The following NEK3 variants were observed in gnomAD, a reference collection of about 807,000 sequenced individuals.
NEK3 encodes the protein NIMA related kinase 3, also known as serine/threonine-protein kinase Nek3.
A neutral mutation model predicts 66.0 loss-of-function variants in NEK3; 54 were observed. That is an observed-to-expected ratio of 0.82 (90% CI 0.66 to 1.03). The LOEUF (loss-of-function observed/expected upper bound fraction) is 1.03, where lower values mean the gene tolerates loss of function less well. Among genes scored for constraint, NEK3 ranks in the 50% least tolerant of loss-of-function variants. The pLI is 0.00. For synonymous variants in NEK3, 200 were observed against 206.2 expected (o/e 0.97, Z 0.26); for missense variants, 593 against 603.0 (o/e 0.98, Z 0.17).
intron 1 of NEK3, chr13:52,157,086 A>G (rs771078950): frequency 3.3e-5 from 5 of 152,260 alleles, no homozygotes; most frequent in Non-Finnish European, 5.9e-5. Flanking sequence ...TTTAAGAGCT[A>G]AAGAAATTAC....
At chr13:52,144,915 C>T in intron 8 of NEK3, 24 bp from the exon 9 acceptor site, 1 of 1,498,478 alleles carries the variant, frequency 6.7e-7, no homozygotes, top group Non-Finnish European at 9.2e-7. Context: ...TTGAACTTTA[C>T]AAGCAGATAC....
rs1021865325 is a variant in NEK3, at chr13:52,140,937, C to T, written c.927+83G>A. On this transcript the variant is annotated intron_variant, in intron 11 of 15. Coordinates refer to ENST00000610828, the MANE Select transcript of NEK3 (RefSeq NM_002498.3). ...TCACTTGATTCTCCTGCCTCAACCT[C>T]CCGAGTAGCTGGGATTACAGGCTTG... 6.2e-6 allele frequency: 7 copies of T among 1,136,422 alleles called. No individual in the cohort carries two copies. In the Admixed American group the frequency reaches 1.1e-4, roughly 19 times the overall value. The allele number at this position is 1,136,422 out of a possible 1,614,324, so 70.4% of individuals were successfully genotyped here.
In NEK3 at chr13:52,144,755, G is replaced by A. The variant is rs555356464; in HGVS notation, c.740C>T (p.Ser247Leu). 14 of 1,613,890 alleles carry A rather than the reference G, an allele frequency of 8.7e-6. No individual in the cohort carries two copies. The East Asian group carries it at 1.6e-4, about 18-fold the overall frequency. The part of the protein sequence containing the change: ...MFKRNPSHRP[S>L]ATTLLSRGIV... ...GCCTCGAGAGAGAAGCGTTGTAGCC[G>A]AGGGGCGATGTGAGGGATTCCTTTT... Residue 247 changes from serine to leucine, a missense_variant, in exon 9 of 16, where the codon TCG becomes TTG. Ser to Leu is a moderately radical substitution (Grantham distance 145, BLOSUM62 -2). Coordinates refer to ENST00000610828, the MANE Select transcript of NEK3 (RefSeq NM_002498.3).
At chr13:52,148,704 T>C (rs1295675962) in intron 7 of NEK3, among the ~76,000 whole-genome samples, 1 of 152,086 alleles carries the variant, frequency 6.6e-6, no homozygotes, top group Non-Finnish European at 1.5e-5. Context: ...TTCAGTAGCA[T>C]TTGGGAATTC....
Position 52,146,619 on chromosome 13 carries a change from T to C in NEK3, c.604-1728A>G, listed in dbSNP as rs140176921. Among the ~76,000 whole-genome samples the C allele has an allele frequency of 6.0e-4, 92 of 152,358 alleles. 1 individual carries two copies. Among genetic ancestry groups the C allele is most frequent in the African/African-American group, 1.9e-3 (81 of 41,586 alleles). ...TAAAAATAATTTTATTTGTAGACTA[T>C]GGTGGTTCTCAACTTGGGCTGTACA... On this transcript the variant is annotated intron_variant, in intron 8 of 15. Coordinates refer to ENST00000610828, the MANE Select transcript of NEK3 (RefSeq NM_002498.3).
At chr13:52,141,169 G>C in intron 10 of NEK3, 100 bp from the exon 11 acceptor site, 23 of 1,036,014 alleles carry the variant, frequency 2.2e-5, no homozygotes, top group South Asian at 3.5e-5. Flanking sequence ...AGTGAGTGAG[G>C]TTATTAAAGT....
chr13:52,151,231 G>T lies in NEK3; in HGVS notation c.463C>A (p.Pro155Thr). The change falls in exon 7 of 16, where the codon CCG (proline) becomes ACG (threonine). Residue 155 changes from proline (P) to threonine (T), a missense_variant and splice_region_variant. Coordinates refer to ENST00000610828, the MANE Select transcript of NEK3 (RefSeq NM_002498.3). The part of the protein sequence containing the change: ...DFGSARLLSN[P>T]MAFACTYVGT... Reference sequence around the variant, plus strand: ...ACATAGGTACAAGCAAATGCCATCGGACTAAAACCATAAAAAGGCAACGAA... The same window carrying T: ...ACATAGGTACAAGCAAATGCCATCGTACTAAAACCATAAAAAGGCAACGAA... The T allele has an allele frequency of 6.2e-7, 1 of 1,607,034 alleles. No homozygotes were observed. Among genetic ancestry groups the T allele is most frequent in the South Asian group, 1.1e-5 (1 of 89,318 alleles).
intron 11 of NEK3, among the ~76,000 whole-genome samples, chr13:52,140,432 C>G (rs1956239137): frequency 6.6e-6 from 1 of 151,934 alleles, no homozygotes; most frequent in Non-Finnish European, 1.5e-5. Context: ...AACAGTGAAA[C>G]CCTGTCTCTA....
intron 7 of NEK3, among the ~76,000 whole-genome samples, 179 bp from the exon 8 acceptor site, chr13:52,148,648 CT>C (rs1033481396): frequency 6.6e-6 from 1 of 152,186 alleles, no homozygotes; most frequent in Non-Finnish European, 1.5e-5. Context: ...AAACTCTCTG[CT>C]TTTCAATCCC....
chr13:52,150,436 A>G (rs1403896847), intron 7 of NEK3, among the ~76,000 whole-genome samples: 1 of 152,230 alleles, frequency 6.6e-6, no homozygotes, highest in Non-Finnish European at 1.5e-5. Context: ...AATTATATAT[A>G]AAATATATCA....
chr13:52,137,748 G>A (rs1956217001), intron 11 of NEK3, among the ~76,000 whole-genome samples: 1 of 152,166 alleles, frequency 6.6e-6, no homozygotes, highest in Non-Finnish European at 1.5e-5. Flanking sequence ...GAGGATCACT[G>A]CTTTCTGTGT....
intron 8 of NEK3, among the ~76,000 whole-genome samples, chr13:52,146,385 T>C (rs1164008553): frequency 6.8e-6 from 1 of 146,844 alleles, no homozygotes; most frequent in African/African-American, 2.4e-5. Context: ...GCCTCTGGCT[T>C]TTTAACCATT....
chr13:52,136,670 A>C (rs1956208883), intron 12 of NEK3, 130 bp downstream of exon 12: 2 of 567,644 alleles, frequency 3.5e-6, no homozygotes, highest in Non-Finnish European at 6.1e-6. Flanking sequence ...CTAAAACATT[A>C]AATAAGTTAC....
chr13:52,142,096 A>G (rs1343169819), intron 10 of NEK3, among the ~76,000 whole-genome samples: 3 of 151,940 alleles, frequency 2.0e-5, no homozygotes, highest in Non-Finnish European at 4.4e-5. Context: ...CAAAAATAAA[A>G]TAAAATAAAG....
chr13:52,133,899 T>C, intron 14 of NEK3, 84 bp from the exon 15 acceptor site: 2 of 1,392,674 alleles, frequency 1.4e-6, no homozygotes, highest in Non-Finnish European at 2.0e-6. Context: ...CTCCGTAAGC[T>C]TGCTGGCTGA....
chr13:52,152,176 C>A (rs796541286), intron 5 of NEK3, among the ~76,000 whole-genome samples: 4 of 152,248 alleles, frequency 2.6e-5, no homozygotes, highest in African/African-American at 9.6e-5. Flanking sequence ...TCAAAGGGTA[C>A]AAAGTTTCAG....
intron 12 of NEK3, 133 bp downstream of exon 12, chr13:52,136,667 A>G: frequency 1.8e-6 from 1 of 564,958 alleles, no homozygotes; most frequent in Middle Eastern, 4.7e-4. Context: ...TTCCTAAAAC[A>G]TTAAATAAGT....
At chr13:52,137,434 G>A (rs1225112985) in intron 11 of NEK3, among the ~76,000 whole-genome samples, 2 of 152,164 alleles carry the variant, frequency 1.3e-5, no homozygotes, top group African/African-American at 4.8e-5. Context: ...ACTTTGAGAA[G>A]AAGTACATAT....
In NEK3 at chr13:52,151,332, G is replaced by A; in HGVS notation, c.454C>T (p.Leu152Phe). ...TAGAACAGACATACATACTTGGAGA[G>A]AAGACGGGCAGATCCAAAGTCTCCC... ...KLGDFGSARLLSNPMAFACTY... is the reference protein window; with the variant it reads ...KLGDFGSARLFSNPMAFACTY... The change falls in exon 6 of 16, where the codon CTC becomes TTC. Residue 152 changes from leucine to phenylalanine, a missense_variant. By Grantham distance (22) the Leu-to-Phe change is conservative. Coordinates refer to ENST00000610828, the MANE Select transcript of NEK3 (RefSeq NM_002498.3). 1 of 1,599,194 alleles carries A rather than the reference G, an allele frequency of 6.3e-7. No homozygotes were observed.
Sources: gnomAD v4.1 joint callset for allele counts (sites outside exome capture counted in the v4.1 genomes callset) on GRCh38, gnomAD v4.1.1 for gene constraint, MANE v1.5 for transcripts, NCBI Gene and HGNC (gene_info 2026-07-23, HGNC 2026-07-21) for gene names.